Variants in PLCB4 observed in about 807,000 individuals in gnomAD.
PLCB4 encodes 1-phosphatidylinositol 4,5-bisphosphate phosphodiesterase beta-4.
A neutral mutation model predicts 178.8 loss-of-function variants in PLCB4; 77 were observed. The observed-to-expected ratio is 0.43, with a 90% CI of 0.36 to 0.52. The LOEUF (loss-of-function observed/expected upper bound fraction) is 0.52, where lower values mean the gene tolerates loss of function less well. Ranked by LOEUF, PLCB4 falls within the 20% of genes least tolerant of loss-of-function variation. The pLI is 0.00. For synonymous variants in PLCB4, 496 were observed against 490.8 expected (o/e 1.01, Z -0.14); for missense variants, 1,024 against 1,453.4 (o/e 0.70, Z 4.80).
intron 3 of PLCB4, among the ~76,000 whole-genome samples, chr20:9,222,529 A>C (rs886795044): frequency 6.6e-6 from 1 of 152,256 alleles, no homozygotes; most frequent in African/African-American, 2.4e-5. Flanking sequence ...AGCTTCATTA[A>C]GACAGCGAAA....
chr20:9,156,262 A>G (rs2092786279), intron 2 of PLCB4, among the ~76,000 whole-genome samples: 3 of 152,100 alleles, frequency 2.0e-5, no homozygotes, highest in Admixed American at 2.0e-4. Flanking sequence ...ACCTCTCTCA[A>G]TGTATTCGAG....
intron 1 of PLCB4, among the ~76,000 whole-genome samples, chr20:9,072,188 G>C (rs1416551882): frequency 2.0e-5 from 3 of 152,134 alleles, no homozygotes; most frequent in Non-Finnish European, 4.4e-5. Context: ...TGGTTTTGCT[G>C]TTGGTTTTCA....
At chr20:9,246,823 T>C (rs2094131435) in intron 3 of PLCB4, among the ~76,000 whole-genome samples, 1 of 152,188 alleles carries the variant, frequency 6.6e-6, no homozygotes, top group African/African-American at 2.4e-5. Flanking sequence ...TAGGGGAGTC[T>C]TAATATTTTC....
chr20:9,336,615 C>T (rs1240644815), intron 4 of PLCB4, among the ~76,000 whole-genome samples: 1 of 151,874 alleles, frequency 6.6e-6, no homozygotes, highest in Non-Finnish European at 1.5e-5. Context: ...TGCTGCTGGT[C>T]TAGTGACTAC....
intron 13 of PLCB4, among the ~76,000 whole-genome samples, chr20:9,383,115 A>T (rs2037284711): frequency 3.3e-5 from 5 of 152,212 alleles, no homozygotes; most frequent in Admixed American, 3.3e-4. Context: ...GATAGTTTTT[A>T]CATAAAATTA....
chr20:9,322,156 A>G, intron 4 of PLCB4, among the ~76,000 whole-genome samples: 1 of 127,738 alleles, frequency 7.8e-6, no homozygotes, highest in Non-Finnish European at 1.6e-5. Context: ...ACAGGGTCTC[A>G]CTATGTTGAC....
chr20:9,347,193 T>A (rs898440692), intron 7 of PLCB4, among the ~76,000 whole-genome samples: 4 of 152,132 alleles, frequency 2.6e-5, no homozygotes, highest in Non-Finnish European at 4.4e-5. Flanking sequence ...CTTTAGCAAG[T>A]TGGAGTGCAC....
chr20:9,323,931 G>A (rs144953758), intron 4 of PLCB4, among the ~76,000 whole-genome samples: 1 of 152,120 alleles, frequency 6.6e-6, no homozygotes, highest in African/African-American at 2.4e-5. Context: ...TCCTCTCTCA[G>A]GTGTTTGTTC....
At chr20:9,417,985 G>A (rs1410362144) in intron 25 of PLCB4, among the ~76,000 whole-genome samples, 3 of 151,860 alleles carry the variant, frequency 2.0e-5, no homozygotes, top group Non-Finnish European at 2.9e-5. Flanking sequence ...GTGCTTCTTG[G>A]TTTTTTGTAT....
At chr20:9,323,124 C>A (rs2094979387) in intron 4 of PLCB4, among the ~76,000 whole-genome samples, 1 of 152,148 alleles carries the variant, frequency 6.6e-6, no homozygotes, top group Non-Finnish European at 1.5e-5. Context: ...CATGACCTAC[C>A]ATTTCGCTGT....
chr20:9,331,450 C>T (rs371568674), intron 4 of PLCB4, among the ~76,000 whole-genome samples: 2 of 152,024 alleles, frequency 1.3e-5, no homozygotes, highest in African/African-American at 4.8e-5. Context: ...GAAGTGATGG[C>T]GAGAGAGAGG....
intron 3 of PLCB4, among the ~76,000 whole-genome samples, chr20:9,230,196 C>T (rs1332334827): frequency 6.6e-6 from 1 of 152,160 alleles, no homozygotes; most frequent in African/African-American, 2.4e-5. Flanking sequence ...CTTATAAAAA[C>T]ACCAATCACA....
chr20:9,477,723 T>C (rs2044642433), intron 39 of PLCB4, among the ~76,000 whole-genome samples: 1 of 152,194 alleles, frequency 6.6e-6, no homozygotes, highest in Admixed American at 6.5e-5. Context: ...TTTAATTCTT[T>C]GGTGTTATTA....
intron 2 of PLCB4, among the ~76,000 whole-genome samples, chr20:9,187,697 A>T (rs1324228215): frequency 1.3e-5 from 2 of 152,190 alleles, no homozygotes; most frequent in African/African-American, 4.8e-5. Flanking sequence ...TTATCTTCTG[A>T]AAATTATAGT....
chr20:9,373,631 G>T (rs180804591), intron 12 of PLCB4, among the ~76,000 whole-genome samples: 195 of 152,286 alleles, frequency 1.3e-3, no homozygotes, highest in African/African-American at 4.1e-3. Flanking sequence ...GTTCCTGGGT[G>T]AAAATACATT....
At chr20:9,441,344 G>A (rs1430332531) in intron 30 of PLCB4, among the ~76,000 whole-genome samples, 4 of 152,056 alleles carry the variant, frequency 2.6e-5, no homozygotes, top group Non-Finnish European at 4.4e-5. Context: ...GGTGGGGTGG[G>A]GAATAAACTC....
At chr20:9,343,930 A>C (rs762750270) in intron 7 of PLCB4, among the ~76,000 whole-genome samples, 14 of 152,232 alleles carry the variant, frequency 9.2e-5, no homozygotes, top group Non-Finnish European at 1.5e-4. Flanking sequence ...ATCACGACAC[A>C]GTGGCCCAGG....
At chr20:9,341,867 AT>A (rs1169996679) in intron 7 of PLCB4, among the ~76,000 whole-genome samples, 7 of 152,102 alleles carry the variant, frequency 4.6e-5, no homozygotes, top group Non-Finnish European at 8.8e-5. Flanking sequence ...TCTGTATTGG[AT>A]TTTTTATTCA....
At chr20:9,233,451 C>T (rs77651030) in intron 3 of PLCB4, among the ~76,000 whole-genome samples, 3,400 of 151,874 alleles carry the variant, frequency 0.022, 138 homozygotes, top group African/African-American at 0.076. Context: ...GAAGTAAACA[C>T]GTGAAAGAAC....
Sources: gnomAD v4.1 joint callset for allele counts (sites outside exome capture counted in the v4.1 genomes callset) on GRCh38, gnomAD v4.1.1 for gene constraint, MANE v1.5 for transcripts, NCBI Gene and HGNC (gene_info 2026-07-23, HGNC 2026-07-21) for gene names.